SYNE2: variants seen among roughly 807,000 people sequenced by gnomAD.
SYNE2 encodes the protein spectrin repeat containing nuclear envelope protein 2, also known as nesprin-2.
In SYNE2, 431 loss-of-function variants were observed where a neutral mutation model predicts 856.3. That is an observed-to-expected ratio of 0.50 (90% CI 0.47 to 0.55). The LOEUF is 0.55. Ranked by LOEUF, SYNE2 falls within the 20% of genes least tolerant of loss-of-function variation. The pLI is 0.00. For synonymous variants in SYNE2, 2,923 were observed against 2,872.3 expected (o/e 1.02, Z -0.56); for missense variants, 8,129 against 8,023.2 (o/e 1.01, Z -0.50).
chr14:64,167,417 C>G (rs370853066), intron 91 of SYNE2, 30 bp downstream of exon 91: 2 of 1,614,088 alleles, frequency 1.2e-6, no homozygotes, highest in African/African-American at 2.7e-5. Flanking sequence ...GTCGTTGTTT[C>G]AATTAAGGTA....
rs766983559 is a variant in SYNE2, at chr14:64,208,826, A to G, written c.18270A>G (p.Leu6090=). 1 of 1,614,226 alleles carries G rather than the reference A, an allele frequency of 6.2e-7. No homozygotes were observed. Among genetic ancestry groups the G allele is most frequent in the Non-Finnish European group, 8.5e-7 (1 of 1,180,046 alleles). Residue 6090 remains leucine, a synonymous_variant, in exon 101 of 116, where the codon CTA becomes CTG. Coordinates refer to ENST00000555002, the MANE Select transcript of SYNE2 (RefSeq NM_182914.3). ...VESVFNICDV[L]LHDSDACANE... is the part of the protein sequence containing the mutation. ...CCGTGTTTAACATCTGTGACGTCCT[A>G]CTGCACGACTCCGATGCCTGTGCAA...
At chr14:64,135,994 C>T (rs1488306192) in intron 78 of SYNE2, among the ~76,000 whole-genome samples, 4 of 152,096 alleles carry the variant, frequency 2.6e-5, no homozygotes, top group Non-Finnish European at 4.4e-5. Context: ...CCCATGCATA[C>T]AATCGGTGAA....
intron 2 of SYNE2, among the ~76,000 whole-genome samples, chr14:63,910,314 A>G (rs1214813562): frequency 1.3e-5 from 2 of 152,220 alleles, no homozygotes; most frequent in African/African-American, 2.4e-5. Context: ...GCAAAATAAA[A>G]TCTGTTTTGA....
At chr14:64,011,973 G>A (rs1248480459) in intron 32 of SYNE2, among the ~76,000 whole-genome samples, 1 of 152,096 alleles carries the variant, frequency 6.6e-6, no homozygotes, top group African/African-American at 2.4e-5. Flanking sequence ...AGCTGTATTT[G>A]GCAGCCCCAA....
intron 100 of SYNE2, among the ~76,000 whole-genome samples, chr14:64,206,362 C>T (rs978211448): frequency 3.9e-5 from 6 of 152,102 alleles, no homozygotes; most frequent in African/African-American, 1.4e-4. Flanking sequence ...CTTAGGTCTC[C>T]GTGGTTACTA....
At chr14:63,810,874 G>T (rs530984483) in intron 1 of SYNE2, among the ~76,000 whole-genome samples, 2 of 152,116 alleles carry the variant, frequency 1.3e-5, no homozygotes, top group African/African-American at 4.8e-5. Flanking sequence ...TTGCTCTGTT[G>T]CCCATGCTGG....
intron 76 of SYNE2, among the ~76,000 whole-genome samples, chr14:64,130,732 A>G (rs1230294977): frequency 6.6e-6 from 1 of 152,008 alleles, no homozygotes; most frequent in Non-Finnish European, 1.5e-5. Context: ...CAAAAATACA[A>G]AAATTAGCTG....
chr14:64,087,363 A>T (rs1019704767), intron 57 of SYNE2: 5 of 531,972 alleles, frequency 9.4e-6, no homozygotes, highest in African/African-American at 1.9e-5. Flanking sequence ...TATTACATGT[A>T]TGAAAGGGCT....
chr14:63,905,274 A>T (rs2095394004), intron 1 of SYNE2, among the ~76,000 whole-genome samples: 1 of 151,820 alleles, frequency 6.6e-6, no homozygotes, highest in Non-Finnish European at 1.5e-5. Flanking sequence ...TTTTCTTAGG[A>T]TTGCTTTGAC....
chr14:63,890,940 C>T (rs1188435010), intron 1 of SYNE2, among the ~76,000 whole-genome samples: 4 of 152,136 alleles, frequency 2.6e-5, no homozygotes, highest in African/African-American at 9.7e-5. Context: ...ATCTTTGCAC[C>T]CCAGTGCCTG....
Position 64,224,903 on chromosome 14 carries a change from G to C in SYNE2, c.20470-96G>C, listed in dbSNP as rs144666642. The C allele has an allele frequency of 4.9e-3, 5,640 of 1,151,874 alleles. 26 individuals carry two copies. The highest frequency in any genetic ancestry group is 0.011 in the Middle Eastern group (54 of 4,768). The allele number at this position is 1,151,874 out of a possible 1,614,324, so 71.4% of individuals were successfully genotyped here. On this transcript the variant is annotated intron_variant, in intron 114 of 115. Transcript: ENST00000555002. ...AAGTTTGGCTGTAACACAACATAAA[G>C]GTGGTATATAATTTAAGGGAGGATT...
intron 6 of SYNE2, among the ~76,000 whole-genome samples, chr14:63,945,490 T>A (rs2096012033): frequency 6.6e-6 from 1 of 152,246 alleles, no homozygotes; most frequent in Admixed American, 6.5e-5. Context: ...GTAGCAAGTA[T>A]CAGTAAGTCT....
At chr14:63,968,001 A>G (rs190422326) in intron 11 of SYNE2, among the ~76,000 whole-genome samples, 155 bp downstream of exon 11, 4 of 152,290 alleles carry the variant, frequency 2.6e-5, no homozygotes, top group Non-Finnish European at 5.9e-5. Context: ...TGTCTCTACT[A>G]AAAATACAGA....
intron 2 of SYNE2, among the ~76,000 whole-genome samples, chr14:63,914,612 G>A (rs1178051546): frequency 6.6e-6 from 1 of 152,188 alleles, no homozygotes; most frequent in Non-Finnish European, 1.5e-5. Flanking sequence ...AGCAGTGAGT[G>A]TGAAAGTATG....
intron 73 of SYNE2, 59 bp from the exon 74 acceptor site, chr14:64,128,393 T>C: frequency 1.1e-6 from 1 of 910,804 alleles, no homozygotes; most frequent in East Asian, 2.4e-5. Context: ...CAACTAAATA[T>C]AAAAAAAGAT....
chr14:63,811,918 T>A (rs978497422), intron 1 of SYNE2, among the ~76,000 whole-genome samples: 1 of 151,914 alleles, frequency 6.6e-6, no homozygotes, highest in African/African-American at 2.4e-5. Context: ...AGATCACAAG[T>A]CAAAGGGCAA....
At chr14:64,215,403 A>G in intron 107 of SYNE2, 49 bp downstream of exon 107, 2 of 1,575,106 alleles carry the variant, frequency 1.3e-6, no homozygotes, top group Non-Finnish European at 1.7e-6. Context: ...CCTGTGGCGC[A>G]CACTGCATCC....
At chr14:64,209,866 G>A (rs1368304346) in intron 102 of SYNE2, 76 bp from the exon 103 acceptor site, 26 of 1,597,894 alleles carry the variant, frequency 1.6e-5, no homozygotes, top group Middle Eastern at 1.6e-4. Flanking sequence ...GCAGCAGGTC[G>A]CTTGGGATGT....
intron 1 of SYNE2, among the ~76,000 whole-genome samples, chr14:63,905,120 A>G (rs2095391653): frequency 6.6e-6 from 1 of 152,096 alleles, no homozygotes; most frequent in South Asian, 2.1e-4. Flanking sequence ...GATGGTTGGA[A>G]ATGTGCAGCT....
Sources: gnomAD v4.1 joint callset for allele counts (sites outside exome capture counted in the v4.1 genomes callset) on GRCh38, gnomAD v4.1.1 for gene constraint, MANE v1.5 for transcripts, NCBI Gene and HGNC (gene_info 2026-07-23, HGNC 2026-07-21) for gene names.